The following PRR16 variants were observed in gnomAD, a reference collection of about 807,000 sequenced individuals.
PRR16 encodes protein Largen.
PRR16 carries 6 observed loss-of-function variants against 18.2 expected under a neutral mutation model. That is an observed-to-expected ratio of 0.33 (90% CI 0.18 to 0.65). The LOEUF (loss-of-function observed/expected upper bound fraction) is 0.65. PRR16 is among the 30% of genes least tolerant of loss of function. The pLI, the probability that PRR16 is intolerant of heterozygous loss-of-function variation, is 0.74. For missense variants in PRR16, 412 were observed against 376.6 expected (o/e 1.09, Z -0.78); for synonymous variants, 151 against 147.8 (o/e 1.02, Z -0.16).
intron 1 of PRR16, among the ~76,000 whole-genome samples, chr5:120,593,938 G>A (rs1753720779): frequency 6.6e-6 from 1 of 152,112 alleles, no homozygotes; most frequent in South Asian, 2.1e-4. Flanking sequence ...AAAAGCTTTT[G>A]ATAAAATACA....
intron 1 of PRR16, among the ~76,000 whole-genome samples, chr5:120,679,376 A>G (rs1186568312): frequency 6.6e-6 from 1 of 151,958 alleles, no homozygotes; most frequent in Non-Finnish European, 1.5e-5. Flanking sequence ...GCTTTCTCTC[A>G]TTTTGTTTTA....
intron 1 of PRR16, among the ~76,000 whole-genome samples, chr5:120,627,520 T>G (rs938054340): frequency 9.9e-5 from 15 of 152,018 alleles, no homozygotes; most frequent in African/African-American, 3.4e-4. Context: ...CATCTACCAA[T>G]AGACAGATGG....
At chr5:120,707,593 G>A in the PRR16 span, among the ~76,000 whole-genome samples, 10 of 152,112 alleles carry the variant, frequency 6.6e-5, no homozygotes, top group African/African-American at 1.9e-4. Context: ...GTTATGTTCC[G>A]TATTTTTAAT....
intron 1 of PRR16, among the ~76,000 whole-genome samples, chr5:120,638,951 A>G (rs1221338398): frequency 6.6e-6 from 1 of 152,102 alleles, no homozygotes; most frequent in African/African-American, 2.4e-5. Flanking sequence ...ATTGAAGCCA[A>G]TATCTTATCT....
intron 1 of PRR16, among the ~76,000 whole-genome samples, chr5:120,522,371 G>C (rs976972575): frequency 8.5e-5 from 13 of 152,136 alleles, no homozygotes; most frequent in African/African-American, 3.1e-4. Flanking sequence ...ATTCTAACTG[G>C]TGTGAGATGG....
At chr5:120,681,006 C>T (rs1379146573) in intron 1 of PRR16, among the ~76,000 whole-genome samples, 1 of 152,124 alleles carries the variant, frequency 6.6e-6, no homozygotes, top group Non-Finnish European at 1.5e-5. Context: ...ATTAACATGG[C>T]TGCATCAGGT....
downstream of PRR16, among the ~76,000 whole-genome samples, chr5:120,688,181 G>GT (rs1386848432): frequency 6.6e-6 from 1 of 152,074 alleles, no homozygotes; most frequent in Non-Finnish European, 1.5e-5. Context: ...TTTGAATAGT[G>GT]TTTTTGACAG....
chr5:120,650,815 T>A (rs1317480421), intron 1 of PRR16, among the ~76,000 whole-genome samples: 2 of 152,140 alleles, frequency 1.3e-5, no homozygotes, highest in African/African-American at 4.8e-5. Flanking sequence ...TATAGCAGCA[T>A]GATTTATAGT....
the PRR16 span, among the ~76,000 whole-genome samples, chr5:120,705,568 A>G: frequency 6.6e-6 from 1 of 152,072 alleles, no homozygotes; most frequent in South Asian, 2.1e-4. Flanking sequence ...ATCAGCTTAT[A>G]TTTTCCACAC....
intron 1 of PRR16, among the ~76,000 whole-genome samples, chr5:120,549,761 A>G (rs757162881): frequency 6.6e-6 from 1 of 152,044 alleles, no homozygotes; most frequent in Non-Finnish European, 1.5e-5. Flanking sequence ...TAGGTGATTA[A>G]TTTGAAAATT....
At chr5:120,752,060 A>T in the PRR16 span, among the ~76,000 whole-genome samples, 1 of 152,054 alleles carries the variant, frequency 6.6e-6, no homozygotes, top group African/African-American at 2.4e-5. Context: ...CCTCTAAATA[A>T]ATTAATATTA....
chr5:120,485,443 A>C (rs576000127), intron 1 of PRR16, among the ~76,000 whole-genome samples: 1 of 152,288 alleles, frequency 6.6e-6, no homozygotes, highest in African/African-American at 2.4e-5. Flanking sequence ...GTTAATGGCA[A>C]ATGCCAACAT....
chr5:120,603,545 G>A (rs1266470280), intron 1 of PRR16, among the ~76,000 whole-genome samples: 3 of 151,848 alleles, frequency 2.0e-5, no homozygotes, highest in African/African-American at 7.3e-5. Flanking sequence ...GGATATTCTT[G>A]TCTCAATTTT....
chr5:120,627,909 TAAAG>T (rs1416356272), intron 1 of PRR16, among the ~76,000 whole-genome samples: 1 of 152,164 alleles, frequency 6.6e-6, no homozygotes, highest in Non-Finnish European at 1.5e-5. Context: ...GTGTTTGTCT[TAAAG>T]AAATAAGTTT....
intron 1 of PRR16, among the ~76,000 whole-genome samples, chr5:120,677,143 A>G (rs1351154960): frequency 6.6e-6 from 1 of 152,226 alleles, no homozygotes; most frequent in Non-Finnish European, 1.5e-5. Flanking sequence ...TGTAGGCTGT[A>G]TAATGAGGTG....
the PRR16 span, among the ~76,000 whole-genome samples, chr5:120,773,789 T>G: frequency 1.3e-5 from 2 of 152,092 alleles, no homozygotes; most frequent in African/African-American, 4.8e-5. Flanking sequence ...AGATGTCTAG[T>G]TTACTGAAAA....
chr5:120,764,784 C>T, the PRR16 span, among the ~76,000 whole-genome samples: 5 of 152,180 alleles, frequency 3.3e-5, no homozygotes, highest in East Asian at 1.9e-4. Context: ...TATTTCATTT[C>T]GTATTAACAT....
At chr5:120,471,981 C>A (rs562943154) in intron 1 of PRR16, among the ~76,000 whole-genome samples, 1 of 152,072 alleles carries the variant, frequency 6.6e-6, no homozygotes, top group Non-Finnish European at 1.5e-5. Flanking sequence ...AATTTAAACT[C>A]CCAGACCTCA....
the PRR16 span, among the ~76,000 whole-genome samples, chr5:120,748,741 C>A: frequency 1.1e-4 from 16 of 151,852 alleles, no homozygotes; most frequent in African/African-American, 3.9e-4. Context: ...TGTCATAAAT[C>A]CTTGAGGGAG....
Sources: gnomAD v4.1 joint callset for allele counts (sites outside exome capture counted in the v4.1 genomes callset) on GRCh38, gnomAD v4.1.1 for gene constraint, MANE v1.5 for transcripts, NCBI Gene and HGNC (gene_info 2026-07-23, HGNC 2026-07-21) for gene names.